The following CLASP1 variants were observed in gnomAD, a reference collection of about 807,000 sequenced individuals.
The protein encoded by CLASP1 is CLIP-associating protein 1.
A neutral mutation model predicts 192.3 loss-of-function variants in CLASP1; 38 were observed. The observed-to-expected ratio is 0.20, with a 90% CI of 0.15 to 0.26. CLASP1 has a LOEUF of 0.26. Ranked by LOEUF, CLASP1 falls within the 10% of genes least tolerant of loss-of-function variation. CLASP1 has a pLI of 1.00. For missense variants in CLASP1, 1,433 were observed against 1,932.5 expected (o/e 0.74, Z 4.85); for synonymous variants, 691 against 712.8 (o/e 0.97, Z 0.49).
chr2:121,465,219 G>A (rs1189876048), intron 9 of CLASP1, among the ~76,000 whole-genome samples: 2 of 152,160 alleles, frequency 1.3e-5, no homozygotes, highest in Non-Finnish European at 2.9e-5. Flanking sequence ...AGGAAAAGAG[G>A]AAGTCAAATT....
At chr2:121,457,171 T>A (rs1284596779) in intron 14 of CLASP1, among the ~76,000 whole-genome samples, 1 of 152,084 alleles carries the variant, frequency 6.6e-6, no homozygotes, top group Non-Finnish European at 1.5e-5. Context: ...TCTGGGTATA[T>A]CTCCCACAAC....
chr2:121,622,538 CA>C (rs1267995806), intron 1 of CLASP1, among the ~76,000 whole-genome samples: 1 of 149,830 alleles, frequency 6.7e-6, no homozygotes, highest in Admixed American at 6.6e-5. Flanking sequence ...CACTGCACTC[CA>C]GCGTGGGCGA....
At chr2:121,645,287 C>T (rs1171894667) in intron 1 of CLASP1, among the ~76,000 whole-genome samples, 1 of 152,168 alleles carries the variant, frequency 6.6e-6, no homozygotes, top group African/African-American at 2.4e-5. Context: ...ATTCAGGTTC[C>T]TTCAGGAAGT....
intron 25 of CLASP1, among the ~76,000 whole-genome samples, chr2:121,405,774 T>C (rs890995527): frequency 2.6e-5 from 4 of 152,236 alleles, no homozygotes; most frequent in African/African-American, 7.2e-5. Context: ...TCTTCTATTT[T>C]TGACAGGTCA....
At chr2:121,536,188 T>C (rs1313839488) in intron 2 of CLASP1, among the ~76,000 whole-genome samples, 4 of 150,926 alleles carry the variant, frequency 2.7e-5, no homozygotes, top group Admixed American at 2.0e-4. Context: ...GAGACCATCC[T>C]GGCTAACACA....
In CLASP1 at chr2:121,515,671, T is replaced by A. The variant is rs574686823; in HGVS notation, c.638A>T (p.Gln213Leu). ...GGAAAAAATCTGCACTCACCGGGAC[T>A]GTGGCAATCCTTTTTTACTGAGATC... Residue 213 changes from glutamine (Q) to leucine (L), a missense_variant, in exon 7 of 40, where the codon CAG becomes CTG. By Grantham distance (113) the Gln-to-Leu change is moderately radical. Around this residue, in one of 8 missense-constraint regions of CLASP1, gnomAD observed 282 missense variants for 359.9 expected, o/e 0.78. Transcript: ENST00000263710. The A allele has an allele frequency of 1.9e-6, 3 of 1,613,650 alleles. No individual in the cohort carries two copies. The African/African-American group carries it at 4.0e-5, about 22-fold the overall frequency.
rs756395419 is a variant in CLASP1, at chr2:121,397,901, C to T, written c.2979+421G>A. On this transcript the variant is annotated intron_variant, in intron 29 of 39. Transcript: ENST00000263710. ...AGGTATGATTTTCCACAACATGTAA[C>T]GATTAACTTTCACAGCTTAGAATGT... Among the ~76,000 whole-genome samples, 61 of 152,152 alleles carry T rather than the reference C, an allele frequency of 4.0e-4. 1 individual carries two copies. The highest frequency in any genetic ancestry group is 7.5e-4 in the Non-Finnish European group (51 of 68,028).
chr2:121,365,046 ACCC>A (rs1215945261), intron 36 of CLASP1, 45 bp downstream of exon 37: 5 of 1,537,078 alleles, frequency 3.3e-6, no homozygotes, highest in Non-Finnish European at 4.5e-6. Flanking sequence ...GGACATCGTG[ACCC>A]CATTACATGG....
intron 1 of CLASP1, among the ~76,000 whole-genome samples, chr2:121,630,484 T>C (rs1180136270): frequency 6.6e-6 from 1 of 151,784 alleles, no homozygotes; most frequent in Admixed American, 6.6e-5. Context: ...GAAGGCAGTA[T>C]TGGTAACATC....
intron 7 of CLASP1, among the ~76,000 whole-genome samples, chr2:121,515,430 T>C (rs569249989): frequency 1.3e-5 from 2 of 152,186 alleles, no homozygotes; most frequent in African/African-American, 4.8e-5. Flanking sequence ...AAAATCAGTA[T>C]GTGGCATGGG....
intron 6 of CLASP1, among the ~76,000 whole-genome samples, chr2:121,517,796 G>A (rs528034144): frequency 7.3e-5 from 11 of 149,976 alleles, no homozygotes; most frequent in South Asian, 2.1e-4. Flanking sequence ...AGGAGTTGGA[G>A]GCTGCAGTGA....
intron 34 of CLASP1, among the ~76,000 whole-genome samples, chr2:121,376,829 T>C (rs776277903): frequency 2.4e-4 from 37 of 152,170 alleles, no homozygotes; most frequent in Non-Finnish European, 4.0e-4. Context: ...GAACTGTGCA[T>C]GCGAGGGGAT....
At chr2:121,356,915 G>A (rs1381385857) in intron 37 of CLASP1, among the ~76,000 whole-genome samples, 1 of 151,390 alleles carries the variant, frequency 6.6e-6, no homozygotes, top group Non-Finnish European at 1.5e-5. Flanking sequence ...AAGAGGGGCT[G>A]GGAGCCCAGG....
chr2:121,632,012 A>G (rs1421982975), intron 1 of CLASP1, among the ~76,000 whole-genome samples: 1 of 152,124 alleles, frequency 6.6e-6, no homozygotes, highest in East Asian at 1.9e-4. Context: ...ACGCCACTGC[A>G]CTCCAGCCCA....
chr2:121,530,371 G>C, intron 2 of CLASP1, 46 bp from the exon 3 acceptor site: 1 of 1,477,106 alleles, frequency 6.8e-7, no homozygotes, highest in Non-Finnish European at 9.2e-7. Flanking sequence ...GGCCTGCGGG[G>C]CAGCGCTCCC....
At chr2:121,572,434 TA>T (rs2060066549) in intron 2 of CLASP1, among the ~76,000 whole-genome samples, 1 of 151,714 alleles carries the variant, frequency 6.6e-6, no homozygotes, top group African/African-American at 2.4e-5. Flanking sequence ...TCTCAAAAAA[TA>T]AAAAAGACGA....
At chr2:121,391,814 G>A (rs2074404456) in intron 30 of CLASP1, among the ~76,000 whole-genome samples, 1 of 152,158 alleles carries the variant, frequency 6.6e-6, no homozygotes, top group African/African-American at 2.4e-5. Context: ...TGAGGCAGGA[G>A]AATCGCTGGA....
At chr2:121,622,666 T>C (rs1052804087) in intron 1 of CLASP1, among the ~76,000 whole-genome samples, 2 of 152,206 alleles carry the variant, frequency 1.3e-5, no homozygotes, top group Admixed American at 6.5e-5. Context: ...AATTGTTCCC[T>C]TGGTTTCACT....
Position 121,432,528 on chromosome 2 carries a change from C to T in CLASP1, c.1913-2351G>A, listed in dbSNP as rs543527312. 2.0e-4 allele frequency among the ~76,000 whole-genome samples: 31 copies of T among 152,272 alleles called. No homozygotes were observed. In the South Asian group the frequency reaches 5.8e-3, roughly 29 times the overall value. ...TATGTATGTGCAGACACAATAACAA[C>T]GCCTGTTGAAATGTTGACTGGCATT... is the stretch of plus-strand genomic sequence containing the variant. On this transcript the variant is annotated intron_variant, in intron 19 of 39. Transcript: ENST00000263710.
Sources: gnomAD v4.1 joint callset for allele counts (sites outside exome capture counted in the v4.1 genomes callset) on GRCh38, gnomAD v4.1.1 for gene constraint, gnomAD v4.1.1 regional missense constraint, MANE v1.5 for transcripts, NCBI Gene and HGNC (gene_info 2026-07-23, HGNC 2026-07-21) for gene names.